RABGAP1L: variants seen among roughly 807,000 people sequenced by gnomAD.
RABGAP1L encodes the protein RAB GTPase activating protein 1 like, also known as rab GTPase-activating protein 1-like.
RABGAP1L carries 63 observed loss-of-function variants against 137.7 expected under a neutral mutation model. That is an observed-to-expected ratio of 0.46 (90% CI 0.37 to 0.56). The LOEUF (loss-of-function observed/expected upper bound fraction) is 0.56, where lower values mean the gene tolerates loss of function less well. Among genes scored for constraint, RABGAP1L ranks in the 20% least tolerant of loss-of-function variants. The probability of loss-of-function intolerance (pLI) is 0.00; values close to 1 mark genes in which losing one functional copy is unlikely to be tolerated. For missense variants in RABGAP1L, 1,095 were observed against 1,244.0 expected (o/e 0.88, Z 1.80); for synonymous variants, 431 against 433.7 (o/e 0.99, Z 0.08).
At chr1:174,578,494 T>C (rs1274334446) in intron 13 of RABGAP1L, among the ~76,000 whole-genome samples, 2 of 152,142 alleles carry the variant, frequency 1.3e-5, no homozygotes, top group African/African-American at 2.4e-5. Flanking sequence ...TTTTTTTTAA[T>C]TGGAAAATAA....
intron 17 of RABGAP1L, among the ~76,000 whole-genome samples, chr1:174,727,931 A>G (rs55968642): frequency 0.057 from 8,665 of 152,296 alleles, 331 homozygotes; most frequent in Non-Finnish European, 0.087. Context: ...AGAAGAGGAA[A>G]GGAATCCAGA....
chr1:174,820,070 T>A (rs984854674), intron 19 of RABGAP1L, among the ~76,000 whole-genome samples: 4 of 152,150 alleles, frequency 2.6e-5, no homozygotes, highest in Non-Finnish European at 4.4e-5. Context: ...GCTTTTAGAC[T>A]GGAAAAACTC....
chr1:174,753,878 T>C (rs1001250875), intron 18 of RABGAP1L, among the ~76,000 whole-genome samples: 4 of 152,250 alleles, frequency 2.6e-5, no homozygotes, highest in African/African-American at 7.2e-5. Flanking sequence ...TTTCCTAAAA[T>C]GCCTTTCCTC....
chr1:174,196,531 T>C (rs1421223248), intron 1 of RABGAP1L, among the ~76,000 whole-genome samples: 1 of 151,788 alleles, frequency 6.6e-6, no homozygotes, highest in African/African-American at 2.4e-5. Context: ...TTCTTAATCC[T>C]TTTATTCTTT....
At chr1:174,596,664 A>C (rs917428956) in intron 13 of RABGAP1L, among the ~76,000 whole-genome samples, 1 of 152,182 alleles carries the variant, frequency 6.6e-6, no homozygotes, top group Non-Finnish European at 1.5e-5. Context: ...TCTGCAAAGA[A>C]GGATAATTTG....
At chr1:174,639,934 A>C (rs146661458) in intron 14 of RABGAP1L, among the ~76,000 whole-genome samples, 1 of 152,184 alleles carries the variant, frequency 6.6e-6, no homozygotes, top group African/African-American at 2.4e-5. Flanking sequence ...TGACTAAACC[A>C]TTTTAAAACT....
intron 10 of RABGAP1L, among the ~76,000 whole-genome samples, chr1:174,298,695 G>T (rs1677365740): frequency 6.6e-6 from 1 of 152,206 alleles, no homozygotes; most frequent in African/African-American, 2.4e-5. Flanking sequence ...AGGATGTCTT[G>T]TGACACACCC....
At chr1:174,933,085 T>C (rs1387356585) in intron 19 of RABGAP1L, among the ~76,000 whole-genome samples, 1 of 152,090 alleles carries the variant, frequency 6.6e-6, no homozygotes, top group Admixed American at 6.6e-5. Context: ...CACACTTACA[T>C]ACATACATGC....
At chr1:174,821,535 T>A (rs900293738) in intron 19 of RABGAP1L, among the ~76,000 whole-genome samples, 1 of 152,216 alleles carries the variant, frequency 6.6e-6, no homozygotes, top group Non-Finnish European at 1.5e-5. Flanking sequence ...ATCTAGAATT[T>A]AATTTTTTTT....
At chr1:174,221,654 C>A (rs1357261117) in intron 3 of RABGAP1L, among the ~76,000 whole-genome samples, 1 of 152,082 alleles carries the variant, frequency 6.6e-6, no homozygotes, top group Non-Finnish European at 1.5e-5. Flanking sequence ...CTTTTGGGTG[C>A]AAAAATAAAT....
intron 13 of RABGAP1L, among the ~76,000 whole-genome samples, chr1:174,635,195 T>C (rs1040041719): frequency 6.6e-5 from 10 of 152,176 alleles, no homozygotes; most frequent in African/African-American, 2.4e-4. Flanking sequence ...TAATGCTAAA[T>C]GCATAATCAG....
Position 174,184,451 on chromosome 1 carries a change from T to A in RABGAP1L, c.-34+24794T>A, listed in dbSNP as rs184021926. 1.2e-3 allele frequency among the ~76,000 whole-genome samples: 181 copies of A among 152,334 alleles called. 4 individuals carry two copies. The East Asian group carries it at 0.022, about 19-fold the overall frequency. ...GGTCATATGGTAAGACTGTGTTTAG[T>A]TTTGTAAGAAACCATCAGACTATCT... is the stretch of plus-strand genomic sequence containing the variant. On this transcript the variant is annotated intron_variant, in intron 1 of 25. Transcript: ENST00000681986.
At chr1:174,812,587 A>G (rs1050347052) in intron 19 of RABGAP1L, among the ~76,000 whole-genome samples, 3 of 152,240 alleles carry the variant, frequency 2.0e-5, no homozygotes, top group African/African-American at 7.2e-5. Context: ...CTTTTTACCT[A>G]ACCATAACGT....
intron 19 of RABGAP1L, among the ~76,000 whole-genome samples, chr1:174,854,722 T>G (rs1405990569): frequency 2.6e-5 from 1 of 38,102 alleles, no homozygotes; most frequent in Non-Finnish European, 4.7e-5. Flanking sequence ...ATGCTTTTTT[T>G]TTTTTTTTTT....
In RABGAP1L at chr1:174,261,414, T is replaced by G. The variant is rs1174355065; in HGVS notation, c.986+8824T>G. ...TTTTGGTAGCAATTTTGCTTCAGTT[T>G]TCAATTTGTGCTTGCCGGCTTGCAG... On this transcript the variant is annotated intron_variant, in intron 7 of 25. Coordinates refer to ENST00000681986, the MANE Select transcript of RABGAP1L (RefSeq NM_001366446.1). 3.3e-5 allele frequency among the ~76,000 whole-genome samples: 5 copies of G among 152,330 alleles called. No individual in the cohort carries two copies. In the East Asian group the frequency reaches 9.6e-4, roughly 29 times the overall value.
chr1:174,736,929 C>T (rs769731916), intron 17 of RABGAP1L, among the ~76,000 whole-genome samples: 11 of 152,196 alleles, frequency 7.2e-5, no homozygotes, highest in Non-Finnish European at 1.6e-4. Context: ...GGCCTGGCCC[C>T]TGAAGCCATT....
chr1:174,731,065 C>G (rs1461992460), intron 17 of RABGAP1L, among the ~76,000 whole-genome samples: 3 of 152,132 alleles, frequency 2.0e-5, no homozygotes, highest in Non-Finnish European at 4.4e-5. Context: ...ACCTCTGCCT[C>G]CTGGGTTCAA....
intron 13 of RABGAP1L, among the ~76,000 whole-genome samples, chr1:174,619,913 C>T (rs553020256): frequency 2.6e-4 from 39 of 152,222 alleles, no homozygotes; most frequent in South Asian, 8.3e-4. Flanking sequence ...TGCAGAGACA[C>T]ACATAGGCTC....
chr1:174,356,874 G>C (rs956922331), intron 11 of RABGAP1L, among the ~76,000 whole-genome samples: 3 of 152,156 alleles, frequency 2.0e-5, no homozygotes, highest in Admixed American at 1.3e-4. Flanking sequence ...ACTACTGTGT[G>C]TCAGTTACTA....
Sources: allele counts gnomAD v4.1 joint callset (sites outside exome capture counted in the v4.1 genomes callset), GRCh38; gene constraint gnomAD v4.1.1; transcripts MANE v1.5; gene names NCBI Gene and HGNC (gene_info 2026-07-23, HGNC 2026-07-21).